The following TAF1 variants were observed in gnomAD, a reference collection of about 807,000 sequenced individuals.
The protein encoded by TAF1 is transcription initiation factor TFIID subunit 1.
A neutral mutation model predicts 138.5 loss-of-function variants in TAF1; 2 were observed. The ratio of observed to expected loss-of-function variants is 0.01; its 90% CI spans 0.01 to 0.05. TAF1 has a LOEUF of 0.05. TAF1 is among the 10% of genes least tolerant of loss of function. TAF1 has a pLI of 1.00. For synonymous variants in TAF1, 437 were observed against 503.2 expected (o/e 0.87, Z 1.76); for missense variants, 709 against 1,478.0 (o/e 0.48, Z 8.53).
intron 13 of TAF1, among the ~76,000 whole-genome samples, chrX:71,519,762 T>G (rs148548378): frequency 0.017 from 1,871 of 112,325 alleles, 42 homozygotes; most frequent in African/African-American, 0.057. Flanking sequence ...TTTTAGAAAT[T>G]TATTTATGGA....
intron 25 of TAF1, among the ~76,000 whole-genome samples, chrX:71,402,752 G>A (rs1013848550): frequency 4.5e-5 from 5 of 111,659 alleles, no homozygotes; most frequent in Non-Finnish European, 7.5e-5. Flanking sequence ...AATTGTTAAC[G>A]TTTTGTCACA....
intron 28 of TAF1, chrX:71,420,341 G>T: frequency 8.4e-7 from 1 of 1,194,253 alleles, no homozygotes; most frequent in African/African-American, 1.7e-5. Context: ...CTTTGTCTGA[G>T]AACTCTATAT....
chrX:71,458,386 T>C lies in TAF1; in HGVS notation c.5064+20T>C. 8.3e-7 allele frequency: 1 copy of C among 1,206,050 alleles called. No homozygotes were observed. Among genetic ancestry groups the C allele is most frequent in the African/African-American group, 1.7e-5 (1 of 57,751 alleles). Reference sequence around the variant, plus strand: ...ACACAGGTAGGATGTTCTTTTTCTCTTTATAAGATTGTTATTGTGCCTGCA... The same window carrying C: ...ACACAGGTAGGATGTTCTTTTTCTCCTTATAAGATTGTTATTGTGCCTGCA... On this transcript the variant is annotated intron_variant, in intron 35 of 37. Transcript: ENST00000423759.
downstream of TAF1, among the ~76,000 whole-genome samples, chrX:71,468,908 T>G (rs778487814): frequency 9.2e-6 from 1 of 108,322 alleles, no homozygotes; most frequent in African/African-American, 3.4e-5. Flanking sequence ...GAGGAACGCT[T>G]GGGACTGAGG....
At chrX:71,491,272 G>A (rs1019852606) in intron 13 of TAF1, 1 of 109,939 alleles carries the variant, frequency 9.1e-6, no homozygotes, top group African/African-American at 3.3e-5. Flanking sequence ...GCAGGAGGTA[G>A]AAGGGAAAGT....
chrX:71,510,832 G>A (rs1325422540), intron 13 of TAF1, among the ~76,000 whole-genome samples: 3 of 112,010 alleles, frequency 2.7e-5, no homozygotes, highest in African/African-American at 6.5e-5. Flanking sequence ...TGGCGGGCAC[G>A]ATGGCTCACT....
chrX:71,481,827 G>T (rs2039078468), intron 13 of TAF1, among the ~76,000 whole-genome samples: 1 of 112,338 alleles, frequency 8.9e-6, no homozygotes, highest in African/African-American at 3.2e-5. Context: ...AAAGTGCTGG[G>T]ATTACAGGCA....
At chrX:71,474,889 A>G (rs1029337847) in intron 13 of TAF1, among the ~76,000 whole-genome samples, 4 of 111,748 alleles carry the variant, frequency 3.6e-5, no homozygotes, top group Non-Finnish European at 7.5e-5. Context: ...AGGAATAGTA[A>G]GATCAAAGGC....
intron 13 of TAF1, among the ~76,000 whole-genome samples, chrX:71,500,737 A>G (rs2039488630): frequency 9.0e-6 from 1 of 110,776 alleles, no homozygotes; most frequent in Non-Finnish European, 1.9e-5. Flanking sequence ...TCCTGTTAGT[A>G]TTGGGACCTT....
rs375257052 is a variant in TAF1 at position 71,388,335 on chromosome X, C to T, written c.2526C>T (p.Ser842=). ...CCTTTCCTTCCCATTCAGAAAGCAG[C>T]ATCCGGAAGAGGCTAAAGCTCTGCG... The part of the protein sequence containing the change: ...KKAFPSHSES[S]IRKRLKLCAD... Residue 842 remains serine (S), a synonymous_variant, in exon 16 of 38, where the codon AGC becomes AGT. Transcript: ENST00000423759. 25 of 1,210,448 alleles carry T rather than the reference C, an allele frequency of 2.1e-5. No individual in the cohort carries two copies. In the African/African-American group the frequency reaches 4.2e-4, roughly 20 times the overall value.
At chrX:71,459,246 G>T in intron 35 of TAF1, 1 of 1,132,306 alleles carries the variant, frequency 8.8e-7, no homozygotes, top group Non-Finnish European at 1.2e-6. Flanking sequence ...TAAGACTCCA[G>T]CCCCAGTGAG....
intron 29 of TAF1, among the ~76,000 whole-genome samples, chrX:71,422,091 A>G (rs1176277589): frequency 8.9e-6 from 1 of 112,241 alleles, no homozygotes; most frequent in East Asian, 2.8e-4. Context: ...GTTAGGTCCC[A>G]TTACGCAAAA....
At chrX:71,462,856 T>C (rs761523252) in intron 37 of TAF1, among the ~76,000 whole-genome samples, 6 of 111,673 alleles carry the variant, frequency 5.4e-5, no homozygotes, top group Non-Finnish European at 9.4e-5. Context: ...TCTAGGAAAT[T>C]ATTTTATGGG....
intron 25 of TAF1, among the ~76,000 whole-genome samples, chrX:71,405,898 A>G (rs914558021): frequency 1.5e-4 from 17 of 111,254 alleles, no homozygotes; most frequent in African/African-American, 4.6e-4. Flanking sequence ...ATGTGATACC[A>G]TGGTCCCTTA....
At chrX:71,375,797 G>A (rs1379017410) in intron 4 of TAF1, among the ~76,000 whole-genome samples, 3 of 112,143 alleles carry the variant, frequency 2.7e-5, no homozygotes, top group Non-Finnish European at 3.8e-5. Flanking sequence ...TGATCCGCTC[G>A]CCTTGGTCTT....
chrX:71,502,654 T>C (rs2039531969), intron 13 of TAF1, among the ~76,000 whole-genome samples: 1 of 113,067 alleles, frequency 8.8e-6, no homozygotes, highest in African/African-American at 3.2e-5. Context: ...TATATACTTA[T>C]AGTCCTGGTG....
At chrX:71,514,003 C>G (rs2039779810) in intron 13 of TAF1, among the ~76,000 whole-genome samples, 1 of 111,777 alleles carries the variant, frequency 8.9e-6, no homozygotes, top group African/African-American at 3.3e-5. Context: ...CCAGCAGCAG[C>G]AACCCGCTCA....
At chrX:71,433,816 A>G (rs2037008689) in intron 32 of TAF1, among the ~76,000 whole-genome samples, 1 of 108,851 alleles carries the variant, frequency 9.2e-6, no homozygotes, top group South Asian at 4.0e-4. Context: ...GTAGCAGTGG[A>G]CAGCCTAGAA....
chrX:71,461,982 A>T (rs975262745), intron 37 of TAF1, among the ~76,000 whole-genome samples: 1 of 111,926 alleles, frequency 8.9e-6, no homozygotes, highest in Non-Finnish European at 1.9e-5. Flanking sequence ...AGCCTATATG[A>T]AGACACAGGC....
Sources: gnomAD v4.1 joint callset for allele counts (sites outside exome capture counted in the v4.1 genomes callset) on GRCh38, gnomAD v4.1.1 for gene constraint, MANE v1.5 for transcripts, NCBI Gene and HGNC (gene_info 2026-07-23, HGNC 2026-07-21) for gene names.